CNIH3: variants seen among roughly 807,000 people sequenced by gnomAD.
The protein encoded by CNIH3 is protein cornichon homolog 3.
A neutral mutation model predicts 24.1 loss-of-function variants in CNIH3; 14 were observed. The ratio of observed to expected loss-of-function variants is 0.58; its 90% CI spans 0.38 to 0.91. The LOEUF (loss-of-function observed/expected upper bound fraction) is 0.91. Among genes scored for constraint, CNIH3 ranks in the 40% least tolerant of loss-of-function variants. The probability of loss-of-function intolerance (pLI) is 0.00; values close to 1 mark genes in which losing one functional copy is unlikely to be tolerated. For synonymous variants in CNIH3, 68 were observed against 73.8 expected, an observed-to-expected ratio of 0.92 and a Z score of 0.40; for missense variants, 178 against 196.8, an observed-to-expected ratio of 0.90 and a Z score of 0.57.
intron 1 of CNIH3, among the ~76,000 whole-genome samples, chr1:224,489,856 G>A (rs1480823094): frequency 6.6e-6 from 1 of 152,124 alleles, no homozygotes; most frequent in Admixed American, 6.5e-5. Flanking sequence ...TTCTTGCTGG[G>A]TCCTCACGTG....
intron 2 of CNIH3, among the ~76,000 whole-genome samples, chr1:224,683,538 T>C (rs562131795): frequency 6.6e-6 from 1 of 152,356 alleles, no homozygotes; most frequent in East Asian, 1.9e-4. Context: ...CTGGAAGTAC[T>C]TGTGTGTCAC....
intron 1 of CNIH3, among the ~76,000 whole-genome samples, chr1:224,520,739 T>A (rs1247661941): frequency 6.6e-6 from 1 of 152,208 alleles, no homozygotes; most frequent in Non-Finnish European, 1.5e-5. Context: ...TAAGGAAGGA[T>A]GGCTGACTGA....
rs944031174 is a variant in CNIH3, at chr1:224,703,817, A to G, written c.198+18974A>G. Among the ~76,000 whole-genome samples the G allele has an allele frequency of 2.6e-5, 4 of 152,148 alleles. No homozygotes were observed. The highest frequency in any genetic ancestry group is 6.5e-5 in the Admixed American group (1 of 15,276). On this transcript the variant is annotated intron_variant, in intron 3 of 5. Coordinates refer to ENST00000272133, the MANE Select transcript of CNIH3 (RefSeq NM_152495.2). This position sits in a 1 kb window ranked among gnomAD's most constrained non-coding sequence, Gnocchi z 4.2. ...GTTGACTCTGTTAGCCCCATCACCC[A>G]CTGCCAGCTCATTCAGCCCGCAGCA...
chr1:224,538,830 A>ATTTTTTTTTT (rs71574506), downstream of CNIH3, among the ~76,000 whole-genome samples: 1 of 124,184 alleles, frequency 8.1e-6, no homozygotes, highest in African/African-American at 3.2e-5. Context: ...AGCTAATTAC[A>ATTTTTTTTTT]TTTTTTTTTT....
At chr1:224,677,362 G>C (rs1051240588) in intron 1 of CNIH3, among the ~76,000 whole-genome samples, 1 of 152,212 alleles carries the variant, frequency 6.6e-6, no homozygotes, top group East Asian at 1.9e-4. Flanking sequence ...GACAGGCACC[G>C]ATCTTGTTGA....
intron 3 of CNIH3, among the ~76,000 whole-genome samples, chr1:224,693,471 G>A (rs1265624502): frequency 1.3e-5 from 2 of 152,218 alleles, no homozygotes; most frequent in African/African-American, 2.4e-5. Flanking sequence ...GGCTGCGCTT[G>A]GGCAGGGGGG....
At chr1:224,457,583 T>C (rs928876865) in intron 1 of CNIH3, among the ~76,000 whole-genome samples, 21 of 149,408 alleles carry the variant, frequency 1.4e-4, no homozygotes, top group African/African-American at 5.2e-4. Context: ...AGACGAAATA[T>C]TGGGCCAAAG....
chr1:224,463,653 T>A (rs545082220), intron 1 of CNIH3, among the ~76,000 whole-genome samples: 1 of 151,582 alleles, frequency 6.6e-6, no homozygotes, highest in Non-Finnish European at 1.5e-5. Flanking sequence ...ATGATCCGCC[T>A]GCCTCAGCCT....
In CNIH3 at chr1:224,616,423, G is replaced by T; in HGVS notation, c.-752G>T. 5.1e-6 allele frequency: 5 copies of T among 979,154 alleles called. No individual in the cohort carries two copies. Among genetic ancestry groups the T allele is most frequent in the Non-Finnish European group, 4.9e-6 (4 of 820,402 alleles). The allele number at this position is 979,154 out of a possible 1,614,324, so 60.7% of individuals were successfully genotyped here. ...TGCTGCAGCCACCCGGGCTGGAGTT[G>T]GCCCGTTGGGTGGAGCCAGTGCTCG... On this transcript the variant is annotated 5_prime_UTR_variant, in exon 1 of 6. Coordinates refer to ENST00000272133, the MANE Select transcript of CNIH3 (RefSeq NM_152495.2).
intron 1 of CNIH3, among the ~76,000 whole-genome samples, chr1:224,496,159 A>G (rs1038366720): frequency 6.6e-6 from 1 of 152,128 alleles, no homozygotes; most frequent in Non-Finnish European, 1.5e-5. Context: ...GTCGTTCTCA[A>G]TACCCTAGAA....
chr1:224,630,235 T>G (rs1412341528), intron 1 of CNIH3, among the ~76,000 whole-genome samples: 1 of 152,142 alleles, frequency 6.6e-6, no homozygotes. Flanking sequence ...CTCAGATCAG[T>G]GCAAAGGGTT....
At chr1:224,526,365 C>T (rs1050241086) in intron 2 of CNIH3, among the ~76,000 whole-genome samples, 3 of 152,136 alleles carry the variant, frequency 2.0e-5, no homozygotes, top group East Asian at 3.9e-4. Context: ...TTAGTGCCCT[C>T]GTAAAAGACT....
intron 1 of CNIH3, among the ~76,000 whole-genome samples, chr1:224,503,037 G>GGGGA (rs1480571184): frequency 6.6e-5 from 10 of 151,704 alleles, no homozygotes; most frequent in African/African-American, 1.7e-4. Flanking sequence ...CAGCTCTCCC[G>GGGGA]GGGAGGGAGG....
chr1:224,693,606 G>A (rs1016821623), intron 3 of CNIH3, among the ~76,000 whole-genome samples: 10 of 152,180 alleles, frequency 6.6e-5, no homozygotes, highest in African/African-American at 2.4e-4. Flanking sequence ...TTCTCCTGGT[G>A]TAACAGAGAA....
downstream of CNIH3, among the ~76,000 whole-genome samples, chr1:224,591,580 A>C (rs1572539860): frequency 6.6e-6 from 1 of 152,284 alleles, no homozygotes; most frequent in East Asian, 1.9e-4. Flanking sequence ...AAAAAGTTGG[A>C]GAATGGTTCC....
At chr1:224,496,395 A>G (rs1377729787) in intron 1 of CNIH3, among the ~76,000 whole-genome samples, 1 of 152,098 alleles carries the variant, frequency 6.6e-6, no homozygotes, top group African/African-American at 2.4e-5. Flanking sequence ...TGCTGATGAC[A>G]CCCCTTCTGC....
rs10495225 is a variant in CNIH3, at chr1:224,691,092, A to C, written c.198+6249A>C. Among the ~76,000 whole-genome samples, 1,043 of 152,308 alleles carry C rather than the reference A, an allele frequency of 6.8e-3. 12 individuals carry two copies. The highest frequency in any genetic ancestry group is 0.024 in the African/African-American group (1,001 of 41,558). On this transcript the variant is annotated intron_variant, in intron 3 of 5. Transcript: ENST00000272133. Reference sequence around the variant, plus strand: ...TCCCAGTGAAAAGTCAGTCTTGTTAAATGAGGAGATTGCATTATTATTAAT... The same window carrying C: ...TCCCAGTGAAAAGTCAGTCTTGTTACATGAGGAGATTGCATTATTATTAAT...
chr1:224,451,408 G>A (rs1251959880), intron 1 of CNIH3, among the ~76,000 whole-genome samples: 1 of 152,146 alleles, frequency 6.6e-6, no homozygotes, highest in East Asian at 1.9e-4. Flanking sequence ...CCCAGTGGGT[G>A]GGTAGATATT....
intron 1 of CNIH3, among the ~76,000 whole-genome samples, chr1:224,444,187 T>TA (rs1312535644): frequency 6.6e-6 from 1 of 152,054 alleles, no homozygotes; most frequent in Non-Finnish European, 1.5e-5. Context: ...CTCTAAAAGA[T>TA]AAAACCTCCT....
Sources: gnomAD v4.1 joint callset for allele counts (sites outside exome capture counted in the v4.1 genomes callset) on GRCh38, gnomAD v4.1.1 for gene constraint, Gnocchi (gnomAD v3.1) non-coding constraint, MANE v1.5 for transcripts, NCBI Gene and HGNC (gene_info 2026-07-23, HGNC 2026-07-21) for gene names.